Variants in SYT14 observed in about 807,000 individuals in gnomAD.
The protein encoded by SYT14 is synaptotagmin-14.
In SYT14, 32 loss-of-function variants were observed where a neutral mutation model predicts 74.2. That is an observed-to-expected ratio of 0.43 (90% CI 0.33 to 0.58). SYT14 has a LOEUF of 0.58. Among genes scored for constraint, SYT14 ranks in the 20% least tolerant of loss-of-function variants. SYT14 has a pLI of 0.05. For synonymous variants in SYT14, 298 were observed against 337.7 expected (o/e 0.88, Z 1.29); for missense variants, 791 against 981.8 (o/e 0.81, Z 2.60).
chr1:209,993,453 C>T (rs376808259), intron 2 of SYT14, among the ~76,000 whole-genome samples: 1 of 152,198 alleles, frequency 6.6e-6, no homozygotes, highest in Non-Finnish European at 1.5e-5. Flanking sequence ...CATCTGGGTA[C>T]CCCCAGAGCT....
At chr1:210,002,829 A>G (rs922491348) in intron 2 of SYT14, among the ~76,000 whole-genome samples, 1 of 152,060 alleles carries the variant, frequency 6.6e-6, no homozygotes, top group Non-Finnish European at 1.5e-5. Context: ...ATGTATTTAG[A>G]TATGAGCCTT....
At chr1:210,064,726 T>A (rs1389598906) in intron 5 of SYT14, among the ~76,000 whole-genome samples, 1 of 152,102 alleles carries the variant, frequency 6.6e-6, no homozygotes, top group Non-Finnish European at 1.5e-5. Flanking sequence ...CTATAAACAC[T>A]GATGTGCAAG....
chr1:210,100,130 TGGTAACAGTG>T lies in SYT14; in HGVS notation c.1704_1713del (p.Val569GlnfsTer26). On this transcript the variant is annotated frameshift_variant, in exon 7 of 10. Coordinates refer to ENST00000637265, the Ensembl canonical transcript of SYT14. LOFTEE classifies it high-confidence loss of function. ...TATGACTCACAAGAACAGAAGCTTC[TGGTAACAGTG>T]ACAGCTGTCACAGACATCCCAACAT... is the stretch of plus-strand genomic sequence containing the variant. 6.2e-7 allele frequency: 1 copy of T among 1,614,100 alleles called. No homozygotes were observed. Among genetic ancestry groups the T allele is most frequent in the Non-Finnish European group, 8.5e-7 (1 of 1,180,002 alleles).
At chr1:210,004,948 T>C (rs1363377786) in intron 2 of SYT14, among the ~76,000 whole-genome samples, 1 of 151,976 alleles carries the variant, frequency 6.6e-6, no homozygotes, top group African/African-American at 2.4e-5. Context: ...TGCAAGTGAG[T>C]AGAACATTCC....
At chr1:210,116,973 A>G (rs937427096) in intron 7 of SYT14, among the ~76,000 whole-genome samples, 22 of 152,166 alleles carry the variant, frequency 1.4e-4, no homozygotes, top group African/African-American at 5.1e-4. Flanking sequence ...TGCAATAAGC[A>G]TGCATCTCAG....
chr1:209,990,125 T>G (rs1487636664), intron 2 of SYT14, among the ~76,000 whole-genome samples: 5 of 152,148 alleles, frequency 3.3e-5, no homozygotes, highest in Non-Finnish European at 5.9e-5. Context: ...AATTATGCCT[T>G]ATAGAACCTC....
At chr1:210,068,649 G>C (rs2081338739) in intron 5 of SYT14, among the ~76,000 whole-genome samples, 1 of 151,296 alleles carries the variant, frequency 6.6e-6, no homozygotes, top group South Asian at 2.1e-4. Flanking sequence ...ATTTTTTATT[G>C]TATACATTTT....
At chr1:210,154,082 A>G (rs1391463003) in intron 7 of SYT14, among the ~76,000 whole-genome samples, 1 of 152,204 alleles carries the variant, frequency 6.6e-6, no homozygotes, top group Non-Finnish European at 1.5e-5. Context: ...AGAATTCACT[A>G]GTGAAGCCAT....
chr1:210,128,916 T>C (rs1433682839), intron 7 of SYT14, among the ~76,000 whole-genome samples: 1 of 152,222 alleles, frequency 6.6e-6, no homozygotes, highest in African/African-American at 2.4e-5. Context: ...TGAGGACATA[T>C]TTTGGTCTGT....
chr1:210,054,347 C>T (rs1398021675), intron 5 of SYT14, among the ~76,000 whole-genome samples: 2 of 152,182 alleles, frequency 1.3e-5, no homozygotes, highest in Non-Finnish European at 2.9e-5. Context: ...CTGTAACTTT[C>T]TGCTATCACA....
intron 5 of SYT14, among the ~76,000 whole-genome samples, chr1:210,094,089 G>C (rs114952721): frequency 5.3e-5 from 8 of 151,972 alleles, no homozygotes; most frequent in African/African-American, 1.9e-4. Context: ...ATCTTTCTTC[G>C]TATATGACTT....
intron 7 of SYT14, among the ~76,000 whole-genome samples, chr1:210,103,425 C>T (rs1442223810): frequency 1.3e-5 from 2 of 151,720 alleles, no homozygotes; most frequent in East Asian, 3.9e-4. Flanking sequence ...TGGCAGGTGC[C>T]TGTAGTCCCA....
chr1:210,058,166 G>C (rs1325206547), intron 5 of SYT14, among the ~76,000 whole-genome samples: 1 of 152,158 alleles, frequency 6.6e-6, no homozygotes, highest in Non-Finnish European at 1.5e-5. Context: ...AAAATCTTGA[G>C]CTAACAGCCA....
At chr1:209,969,437 C>T (rs1431812701) in intron 2 of SYT14, among the ~76,000 whole-genome samples, 2 of 150,994 alleles carry the variant, frequency 1.3e-5, no homozygotes, top group Middle Eastern at 3.4e-3. Flanking sequence ...TAATAATAGC[C>T]GTTCTGACTA....
At chr1:210,073,593 T>A (rs1053570622) in intron 5 of SYT14, among the ~76,000 whole-genome samples, 2 of 152,104 alleles carry the variant, frequency 1.3e-5, no homozygotes, top group African/African-American at 4.8e-5. Flanking sequence ...CATTCTTGCC[T>A]TTATTGATAT....
intron 2 of SYT14, among the ~76,000 whole-genome samples, chr1:209,973,169 CT>C (rs796555941): frequency 2.0e-4 from 29 of 145,696 alleles, no homozygotes; most frequent in African/African-American, 6.0e-4. Flanking sequence ...GACTCCAGCT[CT>C]TTTTTTTTTC....
intron 7 of SYT14, among the ~76,000 whole-genome samples, chr1:210,146,625 C>T (rs918145866): frequency 2.0e-5 from 3 of 151,334 alleles, no homozygotes; most frequent in Non-Finnish European, 2.9e-5. Flanking sequence ...TTGAAATTTT[C>T]AGAAATGTGA....
chr1:209,945,817 C>T (rs1355108546), intron 1 of SYT14, among the ~76,000 whole-genome samples: 1 of 152,190 alleles, frequency 6.6e-6, no homozygotes, highest in African/African-American at 2.4e-5. Context: ...TGTGTACAGG[C>T]ATACCTCCTT....
At chr1:209,975,094 G>A (rs912457373) in intron 2 of SYT14, among the ~76,000 whole-genome samples, 3 of 152,052 alleles carry the variant, frequency 2.0e-5, no homozygotes, top group South Asian at 2.1e-4. Flanking sequence ...GTTGCCTATC[G>A]GCTTAAGGAG....
Sources: gnomAD v4.1 joint callset for allele counts (sites outside exome capture counted in the v4.1 genomes callset) on GRCh38, gnomAD v4.1.1 for gene constraint, MANE v1.5 for transcripts, NCBI Gene and HGNC (gene_info 2026-07-23, HGNC 2026-07-21) for gene names.